Variants in KCNIP4 observed in about 807,000 individuals in gnomAD.
KCNIP4 encodes the protein potassium voltage-gated channel interacting protein 4, also known as Kv channel-interacting protein 4.
Under a neutral mutation model 34.0 loss-of-function variants are expected in KCNIP4, and 12 were observed. That is an observed-to-expected ratio of 0.35 (90% CI 0.23 to 0.57). The LOEUF (loss-of-function observed/expected upper bound fraction) is 0.57, where lower values mean the gene tolerates loss of function less well. Among genes scored for constraint, KCNIP4 ranks in the 20% least tolerant of loss-of-function variants. The probability of loss-of-function intolerance (pLI) is 0.83; values close to 1 mark genes in which losing one functional copy is unlikely to be tolerated. For synonymous variants in KCNIP4, 124 were observed against 102.2 expected (o/e 1.21, Z -1.29); for missense variants, 238 against 311.7 (o/e 0.76, Z 1.78).
At chr4:21,044,799 G>A (rs981492918) in intron 1 of KCNIP4, among the ~76,000 whole-genome samples, 3 of 152,170 alleles carry the variant, frequency 2.0e-5, no homozygotes, top group African/African-American at 7.2e-5. Context: ...ATCAATCTGT[G>A]AATTTCCATG....
chr4:21,134,889 G>A (rs544811782), intron 1 of KCNIP4, among the ~76,000 whole-genome samples: 2 of 152,302 alleles, frequency 1.3e-5, no homozygotes, highest in African/African-American at 2.4e-5. Context: ...GGAAATGAGG[G>A]CAGAAACTAC....
intron 1 of KCNIP4, among the ~76,000 whole-genome samples, chr4:21,294,887 A>T (rs939319858): frequency 6.6e-6 from 1 of 152,314 alleles, no homozygotes; most frequent in Non-Finnish European, 1.5e-5. Context: ...TTTGAAGCTG[A>T]TAAGTGAGGG....
At chr4:21,685,162 TAGAA>T (rs1168585005) in intron 1 of KCNIP4, among the ~76,000 whole-genome samples, 1 of 152,156 alleles carries the variant, frequency 6.6e-6, no homozygotes, top group East Asian at 1.9e-4. Flanking sequence ...TTAAAATCAA[TAGAA>T]AGTGAACACA....
chr4:21,094,535 A>G (rs976295692), intron 1 of KCNIP4, among the ~76,000 whole-genome samples: 7 of 152,188 alleles, frequency 4.6e-5, no homozygotes, highest in Non-Finnish European at 7.3e-5. Flanking sequence ...AACATTGTCA[A>G]TAAGAATTGC....
At chr4:21,202,692 G>A (rs886343214) in intron 1 of KCNIP4, among the ~76,000 whole-genome samples, 2 of 152,270 alleles carry the variant, frequency 1.3e-5, no homozygotes, top group South Asian at 2.1e-4. Context: ...TCAGTCTAAC[G>A]ATTAACCATG....
intron 1 of KCNIP4, chr4:21,304,071 G>GAC (rs1712109844): frequency 1.7e-4 from 57 of 340,818 alleles, no homozygotes; most frequent in East Asian, 3.1e-4. Flanking sequence ...GAGAGAGACA[G>GAC]AGAGAGAGAG....
At chr4:21,743,948 G>A (rs531223740) in intron 1 of KCNIP4, among the ~76,000 whole-genome samples, 13 of 151,904 alleles carry the variant, frequency 8.6e-5, no homozygotes, top group South Asian at 8.4e-4. Flanking sequence ...GATTACTCCA[G>A]AGGCTAGATC....
chr4:21,543,641 G>T (rs918829077), intron 1 of KCNIP4, among the ~76,000 whole-genome samples: 7 of 152,056 alleles, frequency 4.6e-5, no homozygotes, highest in Admixed American at 1.3e-4. Context: ...AAAATATTTT[G>T]AGCTTAAAGG....
intron 1 of KCNIP4, among the ~76,000 whole-genome samples, chr4:21,828,252 C>T (rs1722786313): frequency 6.6e-6 from 1 of 151,470 alleles, no homozygotes; most frequent in South Asian, 2.1e-4. Context: ...ACGGATTAGA[C>T]ACAGTATATT....
intron 1 of KCNIP4, chr4:21,316,458 C>T (rs1040803364): frequency 1.3e-5 from 2 of 152,126 alleles, no homozygotes; most frequent in African/African-American, 4.8e-5. Context: ...TAGAATTCAA[C>T]CATTAAAGAT....
At position 21,876,124 on chromosome 4, in the gene KCNIP4, G is replaced by T. The variant is rs147722659; in HGVS notation, c.61+72447C>A. 8.7e-3 allele frequency among the ~76,000 whole-genome samples: 1,317 copies of T among 152,054 alleles called. 15 individuals carry two copies. Among genetic ancestry groups the T allele is most frequent in the South Asian group, 0.031 (151 of 4,804 alleles). On this transcript the variant is annotated intron_variant, in intron 1 of 8. Transcript: ENST00000382152. ...AAGAAAATTAATCATATTGAAAAAA[G>T]CTATAAAAATATTACAAAAGTAAAA...
chr4:21,381,089 T>C (rs999693900), intron 1 of KCNIP4, among the ~76,000 whole-genome samples: 8 of 152,304 alleles, frequency 5.3e-5, no homozygotes, highest in Non-Finnish European at 1.2e-4. Context: ...ATTCTGGCAA[T>C]GGGTTTAAGT....
In KCNIP4 at chr4:20,774,736, T is replaced by C. The variant is rs559289699; in HGVS notation, c.289-15846A>G. 1.3e-3 allele frequency among the ~76,000 whole-genome samples: 199 copies of C among 152,270 alleles called. 4 individuals are homozygous for C. In the South Asian group the frequency reaches 0.04, roughly 30 times the overall value. ...GATAAGTAAAAACTAGCAGGAGATA[T>C]TGCTGGGGAAGAGGCAAAGGAACCC... On this transcript the variant is annotated intron_variant, in intron 3 of 8. Transcript: ENST00000382152.
At chr4:20,761,915 C>T (rs923297178) in intron 3 of KCNIP4, among the ~76,000 whole-genome samples, 1 of 152,170 alleles carries the variant, frequency 6.6e-6, no homozygotes, top group Non-Finnish European at 1.5e-5. Flanking sequence ...TCTACAAACA[C>T]ATACTGTATG....
intron 1 of KCNIP4, among the ~76,000 whole-genome samples, chr4:21,416,357 C>T (rs1495505): frequency 0.59 from 89,882 of 151,918 alleles, 26,781 homozygotes; most frequent in African/African-American, 0.65. Flanking sequence ...ACTTTGTTTT[C>T]CCTAAGAGAA....
At chr4:21,589,834 C>T (rs73252296) in intron 1 of KCNIP4, among the ~76,000 whole-genome samples, 10,262 of 151,930 alleles carry the variant, frequency 0.068, 510 homozygotes, top group African/African-American at 0.13. Flanking sequence ...GAGTAGTTCT[C>T]ACCACCAAGC....
chr4:21,095,125 T>C (rs1246315012), intron 1 of KCNIP4, among the ~76,000 whole-genome samples: 1 of 152,230 alleles, frequency 6.6e-6, no homozygotes, highest in Middle Eastern at 3.2e-3. Flanking sequence ...ACAGTAGGGT[T>C]ATTAATTAAG....
At chr4:21,336,782 A>C (rs1055067049) in intron 1 of KCNIP4, among the ~76,000 whole-genome samples, 3 of 151,972 alleles carry the variant, frequency 2.0e-5, no homozygotes, top group Non-Finnish European at 2.9e-5. Context: ...GGACAGGAAA[A>C]ATTTTCAAGC....
At chr4:21,815,020 T>C (rs970893778) in intron 1 of KCNIP4, among the ~76,000 whole-genome samples, 3 of 152,190 alleles carry the variant, frequency 2.0e-5, no homozygotes, top group Non-Finnish European at 4.4e-5. Flanking sequence ...AGTCAGACAA[T>C]GTAAGCAAAA....
Sources: allele counts gnomAD v4.1 joint callset (sites outside exome capture counted in the v4.1 genomes callset), GRCh38; gene constraint gnomAD v4.1.1; transcripts MANE v1.5; gene names NCBI Gene and HGNC (gene_info 2026-07-23, HGNC 2026-07-21).